OSBP2: variants seen among roughly 807,000 people sequenced by gnomAD.
The protein encoded by OSBP2 is oxysterol-binding protein 2.
Under a neutral mutation model 96.0 loss-of-function variants are expected in OSBP2, and 66 were observed. The observed-to-expected ratio is 0.69, with a 90% CI of 0.56 to 0.84. The LOEUF (loss-of-function observed/expected upper bound fraction) is 0.84. OSBP2 is among the 40% of genes least tolerant of loss of function. OSBP2 has a pLI of 0.00. For missense variants in OSBP2, 1,038 were observed against 1,222.7 expected, an observed-to-expected ratio of 0.85 and a Z score of 2.25; for synonymous variants, 525 against 520.9, an observed-to-expected ratio of 1.01 and a Z score of -0.11.
intron 2 of OSBP2, among the ~76,000 whole-genome samples, chr22:30,762,365 G>A (rs867639097): frequency 2.0e-5 from 3 of 151,928 alleles, no homozygotes; most frequent in Non-Finnish European, 4.4e-5. Flanking sequence ...TGGCTAACAC[G>A]GTGTAACCCT....
chr22:30,728,042 T>G (rs2089681184), intron 1 of OSBP2, among the ~76,000 whole-genome samples: 2 of 146,288 alleles, frequency 1.4e-5, no homozygotes, highest in Non-Finnish European at 1.5e-5. Flanking sequence ...GAGGTGAGGT[T>G]GCCATGAGCC....
chr22:30,705,447 C>T (rs1359933761), intron 1 of OSBP2, among the ~76,000 whole-genome samples: 1 of 152,136 alleles, frequency 6.6e-6, no homozygotes, highest in African/African-American at 2.4e-5. Flanking sequence ...GCATGCACCA[C>T]CATGCCCGGC....
intron 2 of OSBP2, among the ~76,000 whole-genome samples, chr22:30,864,133 G>A (rs1293405929): frequency 1.3e-5 from 2 of 152,082 alleles, no homozygotes; most frequent in Admixed American, 1.3e-4. Context: ...ACCATGCCCA[G>A]CTAATTTTTT....
At chr22:30,850,483 A>G (rs1345906673) in intron 2 of OSBP2, among the ~76,000 whole-genome samples, 1 of 151,990 alleles carries the variant, frequency 6.6e-6, no homozygotes, top group Non-Finnish European at 1.5e-5. Context: ...TTGTTTTCCA[A>G]AACTGTTTTG....
At chr22:30,801,091 T>A (rs1259081927) in intron 2 of OSBP2, among the ~76,000 whole-genome samples, 15 of 152,296 alleles carry the variant, frequency 9.8e-5, no homozygotes, top group Middle Eastern at 3.4e-3. Flanking sequence ...CCATTCCAAA[T>A]GAGGAAATGC....
chr22:30,754,088 C>T (rs1027035252), intron 2 of OSBP2, among the ~76,000 whole-genome samples: 3 of 152,116 alleles, frequency 2.0e-5, no homozygotes, highest in Non-Finnish European at 4.4e-5. Flanking sequence ...GAGAGAATTA[C>T]TCTGAGTCTT....
chr22:30,708,179 C>T (rs1318219552), intron 1 of OSBP2, among the ~76,000 whole-genome samples: 6 of 152,000 alleles, frequency 3.9e-5, no homozygotes, highest in Admixed American at 1.3e-4. Flanking sequence ...AGAACCACCT[C>T]GCCTGGCTGT....
chr22:30,861,122 C>T (rs562469950), intron 2 of OSBP2, among the ~76,000 whole-genome samples: 57 of 152,284 alleles, frequency 3.7e-4, no homozygotes, highest in African/African-American at 1.3e-3. Flanking sequence ...TTGTGCTTGT[C>T]GATCTCTCTA....
chr22:30,840,847 C>T (rs2038738970), intron 2 of OSBP2, among the ~76,000 whole-genome samples: 1 of 151,376 alleles, frequency 6.6e-6, no homozygotes, highest in Non-Finnish European at 1.5e-5. Context: ...AGATATAATT[C>T]ACACACCACA....
chr22:30,902,551 G>C, intron 12 of OSBP2: 2 of 1,239,348 alleles, frequency 1.6e-6, no homozygotes, highest in Non-Finnish European at 2.4e-6. Flanking sequence ...AGTCACCCAG[G>C]TGACTGGGAA....
intron 2 of OSBP2, among the ~76,000 whole-genome samples, chr22:30,793,023 A>G (rs1295070480): frequency 6.6e-6 from 1 of 152,248 alleles, no homozygotes; most frequent in Non-Finnish European, 1.5e-5. Flanking sequence ...TGCTCCATCC[A>G]GTCCACCACA....
At chr22:30,694,254 A>C (rs1347738547), upstream of OSBP2, 2 of 1,549,818 alleles carry the variant, frequency 1.3e-6, no homozygotes, top group East Asian at 2.4e-5. Flanking sequence ...CTTGGCATGA[A>C]CCGTAGGCCA....
chr22:30,872,831 G>A (rs1428802508), intron 3 of OSBP2, among the ~76,000 whole-genome samples: 3 of 152,212 alleles, frequency 2.0e-5, no homozygotes, highest in Non-Finnish European at 4.4e-5. Flanking sequence ...GGGTAGTTCT[G>A]GAAAGGCTGT....
chr22:30,771,079 C>G (rs991966637), intron 2 of OSBP2, among the ~76,000 whole-genome samples: 5 of 152,252 alleles, frequency 3.3e-5, no homozygotes, highest in Non-Finnish European at 7.3e-5. Context: ...GCCTTAAATC[C>G]TGTCCCCGTT....
chr22:30,819,260 G>A (rs6518717), intron 2 of OSBP2, among the ~76,000 whole-genome samples: 7,226 of 152,242 alleles, frequency 0.047, 579 homozygotes, highest in African/African-American at 0.17. Flanking sequence ...GCTTGAACCC[G>A]GGAGGCAGAG....
At chr22:30,877,070 C>T (rs577754533) in intron 3 of OSBP2, among the ~76,000 whole-genome samples, 1 of 152,168 alleles carries the variant, frequency 6.6e-6, no homozygotes, top group South Asian at 2.1e-4. Flanking sequence ...AAGGGCAGGA[C>T]GCAGTATCTC....
chr22:30,707,038 A>G (rs1279588784), intron 1 of OSBP2, among the ~76,000 whole-genome samples: 1 of 152,048 alleles, frequency 6.6e-6, no homozygotes, highest in Non-Finnish European at 1.5e-5. Context: ...TGTCTTCTCA[A>G]TGTAGTGTCC....
chr22:30,711,365 T>C (rs2145686245), intron 1 of OSBP2, among the ~76,000 whole-genome samples: 1 of 152,008 alleles, frequency 6.6e-6, no homozygotes, highest in South Asian at 2.1e-4. Flanking sequence ...ATATCCTGGC[T>C]CGGTATAAAG....
upstream of OSBP2, chr22:30,694,352 C>A: frequency 6.5e-7 from 1 of 1,534,094 alleles, no homozygotes; most frequent in Non-Finnish European, 8.8e-7. Flanking sequence ...CAGGTAATGG[C>A]TGCCATGGGG....
Sources: gnomAD v4.1 joint callset for allele counts (sites outside exome capture counted in the v4.1 genomes callset) on GRCh38, gnomAD v4.1.1 for gene constraint, MANE v1.5 for transcripts, NCBI Gene and HGNC (gene_info 2026-07-23, HGNC 2026-07-21) for gene names.